Variants in AMZ2 observed in about 807,000 individuals in gnomAD.
AMZ2 encodes the protein archaelysin family metallopeptidase 2, also known as archaemetzincin-2.
A neutral mutation model predicts 36.7 loss-of-function variants in AMZ2; 26 were observed. The observed-to-expected ratio is 0.71, with a 90% confidence interval of 0.52 to 0.98. The LOEUF (loss-of-function observed/expected upper bound fraction) is 0.98, where lower values mean the gene tolerates loss of function less well. Ranked by LOEUF, AMZ2 falls within the 50% of genes least tolerant of loss-of-function variation. The probability of loss-of-function intolerance (pLI) is 0.00; values close to 1 mark genes in which losing one functional copy is unlikely to be tolerated. For missense variants in AMZ2, 394 were observed against 430.5 expected (o/e 0.92, Z 0.75); for synonymous variants, 144 against 149.1 (o/e 0.97, Z 0.25).
At chr17:68,233,189 C>T (rs145969011) in intron 1 of AMZ2, among the ~76,000 whole-genome samples, 1 of 152,262 alleles carries the variant, frequency 6.6e-6, no homozygotes. Flanking sequence ...ACTAATTACC[C>T]ATGTTTACCA....
In AMZ2 at chr17:68,248,412, C is replaced by T; in HGVS notation, c.-294C>T. The T allele has an allele frequency of 1.0e-6, 1 of 986,194 alleles. No homozygotes were observed. The allele number at this position is 986,194 out of a possible 1,614,324, so 61.1% of individuals were successfully genotyped here. On this transcript the variant is annotated 5_prime_UTR_variant, in exon 1 of 7. Transcript: ENST00000359904. ...AGCCCACAGTGCGAGTTGCTATAGG[C>T]AACCAGCCAGGGTGGCCAGCTCCTT...
chr17:68,208,119 G>T lies in AMZ2; in HGVS notation c.-67+1881G>T, dbSNP rs1309201597. On this transcript the variant is annotated intron_variant, in intron 1 of 7. Transcript: ENST00000674770. ...CCCTGCCCCCGTGGGCTCCTGTGTG[G>T]CCTGAGCCTCCCTGACGAGCACCGC... Among the ~76,000 whole-genome samples the T allele has an allele frequency of 1.3e-5, 2 of 152,148 alleles. 1 individual carries two copies. Among genetic ancestry groups the T allele is most frequent in the South Asian group, 4.1e-4 (2 of 4,830 alleles).
rs782578952 is a variant in AMZ2, at chr17:68,250,917, G to T, written c.407G>T (p.Arg136Ile). The T allele has an allele frequency of 3.1e-6, 5 of 1,610,226 alleles. No individual in the cohort carries two copies. The highest frequency in any genetic ancestry group is 4.2e-6 in the Non-Finnish European group (5 of 1,179,208). The stretch of plus-strand genomic sequence containing the variant: ...GAACCAGTTCCTGTTTCTGTAACAA[G>T]ATGTTCCTTTAGAGTCAATGAGAAC... ...LLEPVPVSVT[R>I]CSFRVNENTH... Residue 136 changes from arginine to isoleucine, a missense_variant, in exon 3 of 7, where the codon AGA (arginine) becomes ATA (isoleucine). Physicochemically the swap from Arg to Ile is moderately conservative, Grantham distance 97. Coordinates refer to ENST00000359904, the MANE Select transcript of AMZ2 (RefSeq NM_016627.5).
intron 1 of AMZ2, among the ~76,000 whole-genome samples, chr17:68,229,179 A>C (rs2073597308): frequency 6.6e-6 from 1 of 152,030 alleles, no homozygotes; most frequent in Non-Finnish European, 1.5e-5. Context: ...AAGGTAGGGG[A>C]CGTCACGGTG....
At chr17:68,253,256 A>G (rs1329995845) in intron 4 of AMZ2, among the ~76,000 whole-genome samples, 1 of 152,222 alleles carries the variant, frequency 6.6e-6, no homozygotes, top group Non-Finnish European at 1.5e-5. Context: ...TTCAAATATC[A>G]GTCTACATTT....
At chr17:68,247,847 T>TC (rs1555736364), upstream of AMZ2, 1 of 985,316 alleles carries the variant, frequency 1.0e-6, no homozygotes, top group African/African-American at 1.7e-5. Flanking sequence ...GGGCTTGTAG[T>TC]CCCCTCGCTA....
intron 1 of AMZ2, 159 bp from the exon 2 acceptor site, chr17:68,250,029 A>G: frequency 1.4e-6 from 1 of 704,000 alleles, no homozygotes; most frequent in Non-Finnish European, 2.3e-6. Flanking sequence ...TCTCCAAGAA[A>G]TTGGACATGA....
intron 1 of AMZ2, among the ~76,000 whole-genome samples, chr17:68,209,632 A>ATTTTTTTTTTTTTTTTTT (rs1224207690): frequency 2.2e-5 from 2 of 90,690 alleles, no homozygotes; most frequent in African/African-American, 9.9e-5. Flanking sequence ...ATATATATAT[A>ATTTTTTTTTTTTTTTTTT]TTTTTTTTTT....
At chr17:68,226,231 A>G (rs1555729864) in intron 1 of AMZ2, among the ~76,000 whole-genome samples, 1 of 152,192 alleles carries the variant, frequency 6.6e-6, no homozygotes, top group African/African-American at 2.4e-5. Flanking sequence ...GAACGAAAAG[A>G]TGCCAAGCAA....
In AMZ2 at chr17:68,235,422, A is replaced by G. The variant is rs1246623799; in HGVS notation, c.-66-13218A>G. Among the ~76,000 whole-genome samples the G allele has an allele frequency of 6.6e-6, 1 of 152,154 alleles. No individual in the cohort carries two copies. The highest frequency in any genetic ancestry group is 2.4e-5 in the African/African-American group (1 of 41,434). On this transcript the variant is annotated intron_variant, in intron 1 of 7. Transcript: ENST00000674770. This position sits in a 1 kb window ranked among gnomAD's most constrained non-coding sequence, Gnocchi z 4.2. ...AAACACACTGAGTCCCAGGGAGGTA[A>G]AGTGCCTTGGCTGAGGGCCACCCAG...
At chr17:68,222,062 G>T (rs2073381560) in intron 1 of AMZ2, among the ~76,000 whole-genome samples, 1 of 152,216 alleles carries the variant, frequency 6.6e-6, no homozygotes. Context: ...GGAGGTGAAT[G>T]AAAAGGATAC....
intron 1 of AMZ2, among the ~76,000 whole-genome samples, chr17:68,231,106 C>T (rs115459075): frequency 0.059 from 8,945 of 151,350 alleles, 477 homozygotes; most frequent in Admixed American, 0.13. Context: ...CTTTGTCGTC[C>T]AGGCTGGAGT....
upstream of AMZ2, among the ~76,000 whole-genome samples, chr17:68,243,339 T>G (rs2073942147): frequency 6.6e-6 from 1 of 152,168 alleles, no homozygotes; most frequent in African/African-American, 2.4e-5. Context: ...TTCACCATGT[T>G]GGCCAGGCTG....
At chr17:68,212,294 C>G (rs1568340733) in intron 1 of AMZ2, among the ~76,000 whole-genome samples, 1 of 152,172 alleles carries the variant, frequency 6.6e-6, no homozygotes, top group Non-Finnish European at 1.5e-5. Flanking sequence ...ATTGCTTGAG[C>G]CCAGGAGGCA....
intron 2 of AMZ2, 66 bp from the exon 3 acceptor site, chr17:68,250,728 C>T: frequency 2.8e-6 from 4 of 1,410,710 alleles, no homozygotes; most frequent in Non-Finnish European, 3.8e-6. Context: ...TCTTCTTACT[C>T]ATAGACTGGG....
At chr17:68,254,266 C>A in intron 4 of AMZ2, 138 bp from the exon 5 acceptor site, 1 of 751,226 alleles carries the variant, frequency 1.3e-6, no homozygotes, top group Non-Finnish European at 2.0e-6. Context: ...GGTGGCAAAC[C>A]ATAAGTGTAT....
chr17:68,220,561 A>G (rs1418009983), intron 1 of AMZ2, among the ~76,000 whole-genome samples: 1 of 152,016 alleles, frequency 6.6e-6, no homozygotes, highest in South Asian at 2.1e-4. Context: ...AATGTCTACT[A>G]TGTCACCCAT....
At chr17:68,209,762 A>G (rs4968834) in intron 1 of AMZ2, among the ~76,000 whole-genome samples, 24,084 of 150,260 alleles carry the variant, frequency 0.16, 2,073 homozygotes, top group East Asian at 0.27. Flanking sequence ...CTGGGATTAC[A>G]GGTGCCTGCC....
intron 1 of AMZ2, among the ~76,000 whole-genome samples, chr17:68,239,821 A>G (rs1173627161): frequency 1.3e-5 from 2 of 152,214 alleles, no homozygotes; most frequent in East Asian, 3.9e-4. Flanking sequence ...TTTTTTGTGC[A>G]TCATAATGAA....
Sources: gnomAD v4.1 joint callset for allele counts (sites outside exome capture counted in the v4.1 genomes callset) on GRCh38, gnomAD v4.1.1 for gene constraint, Gnocchi (gnomAD v3.1) non-coding constraint, MANE v1.5 for transcripts, NCBI Gene and HGNC (gene_info 2026-07-23, HGNC 2026-07-21) for gene names.